The following RPS6KC1 variants were observed in gnomAD, a reference collection of about 807,000 sequenced individuals.
The protein encoded by RPS6KC1 is inactive ribosomal protein S6 kinase delta-1.
A neutral mutation model predicts 103.8 loss-of-function variants in RPS6KC1; 54 were observed. The observed-to-expected ratio is 0.52, with a 90% CI of 0.42 to 0.65. The LOEUF is 0.65. Among genes scored for constraint, RPS6KC1 ranks in the 30% least tolerant of loss-of-function variants. The pLI is 0.00. For missense variants in RPS6KC1, 1,151 were observed against 1,253.8 expected (o/e 0.92, Z 1.24); for synonymous variants, 439 against 438.7 (o/e 1.00, Z -0.01).
At chr1:213,463,297 AGCCGTAG>A in the RPS6KC1 span, among the ~76,000 whole-genome samples, 1 of 152,180 alleles carries the variant, frequency 6.6e-6, no homozygotes, top group Non-Finnish European at 1.5e-5. Flanking sequence ...TGCTTGGGCA[AGCCGTAG>A]GCTCTGCTTC....
the RPS6KC1 span, among the ~76,000 whole-genome samples, chr1:213,379,248 C>G: frequency 5.9e-5 from 9 of 152,102 alleles, no homozygotes; most frequent in Admixed American, 4.6e-4. Flanking sequence ...TCCCCGGTAC[C>G]TTTAATGTGA....
the RPS6KC1 span, among the ~76,000 whole-genome samples, chr1:213,545,426 AAAATAAAAG>A: frequency 1.1e-3 from 87 of 80,880 alleles, no homozygotes; most frequent in African/African-American, 2.5e-3. Context: ...AAAATAAAAT[AAAATAAAAG>A]AGAGAGAGAG....
chr1:213,207,041 G>A (rs2093370052), intron 8 of RPS6KC1, among the ~76,000 whole-genome samples: 1 of 152,104 alleles, frequency 6.6e-6, no homozygotes. Flanking sequence ...TCTGGGAGGC[G>A]GAGGTTGCAG....
At chr1:213,561,111 G>T in the RPS6KC1 span, among the ~76,000 whole-genome samples, 1 of 152,192 alleles carries the variant, frequency 6.6e-6, no homozygotes, top group Non-Finnish European at 1.5e-5. Context: ...CCTCAGAGCA[G>T]GGTCTGGTCA....
the RPS6KC1 span, among the ~76,000 whole-genome samples, chr1:213,587,782 A>C: frequency 1.3e-5 from 2 of 152,176 alleles, no homozygotes; most frequent in Non-Finnish European, 1.5e-5. Context: ...CAAGAAGGCA[A>C]AATTCTGAGC....
At chr1:213,602,263 C>CT in the RPS6KC1 span, among the ~76,000 whole-genome samples, 119 of 54,746 alleles carry the variant, frequency 2.2e-3, 1 homozygote, top group African/African-American at 6.5e-3. Flanking sequence ...CTTTTTTTTT[C>CT]TTTTTTTTTT....
At chr1:213,603,551 A>AT in the RPS6KC1 span, among the ~76,000 whole-genome samples, 7 of 151,286 alleles carry the variant, frequency 4.6e-5, no homozygotes, top group South Asian at 4.2e-4. Context: ...CGAATGATTG[A>AT]TTTTTTTTGA....
chr1:213,244,682 A>G (rs918182548), intron 12 of RPS6KC1, among the ~76,000 whole-genome samples: 1 of 152,156 alleles, frequency 6.6e-6, no homozygotes, highest in Non-Finnish European at 1.5e-5. Context: ...TTTCAATTTC[A>G]TATACTGAAA....
the RPS6KC1 span, among the ~76,000 whole-genome samples, chr1:213,421,634 C>A: frequency 6.6e-6 from 1 of 152,242 alleles, no homozygotes; most frequent in Admixed American, 6.5e-5. Context: ...GCCTCTCTTA[C>A]CCCTGCTTCC....
the RPS6KC1 span, among the ~76,000 whole-genome samples, chr1:213,625,231 GT>G: frequency 2.6e-5 from 4 of 152,142 alleles, no homozygotes; most frequent in Non-Finnish European, 5.9e-5. Context: ...AAAAAAAGCA[GT>G]TTCTTTAGAT....
chr1:213,393,995 C>T, the RPS6KC1 span, among the ~76,000 whole-genome samples: 4 of 151,924 alleles, frequency 2.6e-5, no homozygotes, highest in Non-Finnish European at 4.4e-5. Context: ...TAGCCACAGC[C>T]GAAGACAGAT....
intron 1 of RPS6KC1, among the ~76,000 whole-genome samples, chr1:213,066,161 T>C (rs759419906): frequency 1.3e-5 from 2 of 152,190 alleles, no homozygotes; most frequent in Non-Finnish European, 2.9e-5. Context: ...AGCACAGATA[T>C]AGACTGTTAA....
At chr1:213,705,529 C>T in the RPS6KC1 span, among the ~76,000 whole-genome samples, 23 of 152,360 alleles carry the variant, frequency 1.5e-4, no homozygotes, top group East Asian at 4.2e-3. Context: ...GTGGACTCCC[C>T]TCTGCCCCAG....
intron 12 of RPS6KC1, among the ~76,000 whole-genome samples, chr1:213,245,872 T>C (rs1219803938): frequency 6.6e-6 from 1 of 152,216 alleles, no homozygotes; most frequent in Non-Finnish European, 1.5e-5. Flanking sequence ...TAAGTATAGT[T>C]TCTGCCAACT....
chr1:213,171,009 C>A (rs2091432699), intron 7 of RPS6KC1, among the ~76,000 whole-genome samples: 1 of 152,132 alleles, frequency 6.6e-6, no homozygotes, highest in East Asian at 1.9e-4. Context: ...AATAAAGGAA[C>A]CCTTTTTGGC....
Position 213,196,712 on chromosome 1 carries a change from A to G in RPS6KC1, c.1044+20220A>G, listed in dbSNP as rs147584876. Among the ~76,000 whole-genome samples, 65 of 152,280 alleles carry G rather than the reference A, an allele frequency of 4.3e-4. 2 individuals are homozygous for G. The East Asian group carries it at 0.012, about 28-fold the overall frequency. On this transcript the variant is annotated intron_variant, in intron 8 of 14. Transcript: ENST00000366960. ...TTCTTCTACATGTGGTTTGTCAATT[A>G]TCCCAGCACCATTTGTTGACTAGGG...
chr1:213,116,062 A>G (rs1471275924), intron 4 of RPS6KC1, among the ~76,000 whole-genome samples: 7 of 151,946 alleles, frequency 4.6e-5, no homozygotes, highest in Non-Finnish European at 7.4e-5. Context: ...GTAGATATCT[A>G]TTAGGTCCGC....
chr1:213,776,911 A>G, the RPS6KC1 span, among the ~76,000 whole-genome samples: 8 of 113,902 alleles, frequency 7.0e-5, no homozygotes, highest in African/African-American at 2.4e-4. Context: ...ACTTTATTTT[A>G]TGGAGATGGC....
the RPS6KC1 span, among the ~76,000 whole-genome samples, chr1:213,506,039 G>C: frequency 6.6e-6 from 1 of 152,184 alleles, no homozygotes; most frequent in South Asian, 2.1e-4. Flanking sequence ...CTTCTATCCA[G>C]CTGGAGCCAG....
Sources: gnomAD v4.1 joint callset for allele counts (sites outside exome capture counted in the v4.1 genomes callset) on GRCh38, gnomAD v4.1.1 for gene constraint, MANE v1.5 for transcripts, NCBI Gene and HGNC (gene_info 2026-07-23, HGNC 2026-07-21) for gene names.